The following ITIH3 variants were observed in gnomAD, a reference collection of about 807,000 sequenced individuals.
ITIH3 encodes the protein inter-alpha-trypsin inhibitor heavy chain 3, also known as inter-alpha-trypsin inhibitor heavy chain H3.
In ITIH3, 81 loss-of-function variants were observed where a neutral mutation model predicts 96.5. The ratio of observed to expected loss-of-function variants is 0.84; its 90% CI spans 0.70 to 1.01. The LOEUF (loss-of-function observed/expected upper bound fraction) is 1.01. Among genes scored for constraint, ITIH3 ranks in the 50% least tolerant of loss-of-function variants. The pLI is 0.00. For synonymous variants in ITIH3, 422 were observed against 445.2 expected, an observed-to-expected ratio of 0.95 and a Z score of 0.66; for missense variants, 1,057 against 1,139.3, an observed-to-expected ratio of 0.93 and a Z score of 1.04.
At chr3:52,802,096 T>G (rs1023208970) in intron 11 of ITIH3, 4 of 482,304 alleles carry the variant, frequency 8.3e-6, no homozygotes, top group Non-Finnish European at 1.5e-5. Flanking sequence ...CATATTTCTT[T>G]TTTTTTTTAA....
intron 20 of ITIH3, 71 bp downstream of exon 20, chr3:52,807,987 C>A: frequency 6.3e-7 from 1 of 1,577,132 alleles, no homozygotes; most frequent in Non-Finnish European, 8.6e-7. Flanking sequence ...CAAGGCCTTC[C>A]TAGGCACCCT....
chr3:52,806,009 A>G (rs1700027879), intron 16 of ITIH3, 94 bp from the exon 17 acceptor site: 1 of 1,462,196 alleles, frequency 6.8e-7, no homozygotes, highest in Non-Finnish European at 9.2e-7. Context: ...CGGGAAGGGG[A>G]GGGGAGGGGC....
chr3:52,805,292 C>T, intron 15 of ITIH3: 2 of 1,009,038 alleles, frequency 2.0e-6, no homozygotes, highest in Non-Finnish European at 2.4e-6. Flanking sequence ...ACTGGCCTGC[C>T]CCACCTCCAT....
chr3:52,799,591 A>G, intron 8 of ITIH3, 103 bp downstream of exon 8: 7 of 1,071,020 alleles, frequency 6.5e-6, no homozygotes, highest in Non-Finnish European at 9.4e-6. Flanking sequence ...AATGAGGAGA[A>G]AGGGGACAGG....
chr3:52,796,303 C>A (rs1699577384), intron 2 of ITIH3, among the ~76,000 whole-genome samples, 178 bp from the exon 3 acceptor site: 2 of 152,094 alleles, frequency 1.3e-5, no homozygotes, highest in African/African-American at 4.8e-5. Flanking sequence ...TGGTGGCCAC[C>A]AGAACATGGA....
intron 21 of ITIH3, among the ~76,000 whole-genome samples, 162 bp downstream of exon 21, chr3:52,808,383 A>T (rs1207595983): frequency 6.6e-6 from 1 of 152,226 alleles, no homozygotes; most frequent in Non-Finnish European, 1.5e-5. Flanking sequence ...ATCAAGAAAA[A>T]GCCCAAACTT....
chr3:52,802,918 A>G lies in ITIH3; in HGVS notation c.1709+112A>G. 1.6e-6 allele frequency: 2 copies of G among 1,276,712 alleles called. 1 individual carries two copies. 79.1% of individuals were successfully genotyped at this position (1,276,712 alleles called of 1,614,324 possible). ...GCCCTCTTCTTGGGCCAGCCCAGGA[A>G]GTGTCTGTAGAGCAGTCTGTAAGGA... On this transcript the variant is annotated intron_variant, in intron 13 of 21. Coordinates refer to ENST00000449956, the MANE Select transcript of ITIH3 (RefSeq NM_002217.4).
At chr3:52,797,716 G>T in intron 5 of ITIH3, 101 bp from the exon 6 acceptor site, 1 of 726,960 alleles carries the variant, frequency 1.4e-6, no homozygotes, top group Non-Finnish European at 2.4e-6. Flanking sequence ...GTCCTAGAGG[G>T]TCCCTGCATC....
intron 14 of ITIH3, 45 bp downstream of exon 14, chr3:52,804,054 G>C (rs1260900653): frequency 3.2e-6 from 5 of 1,585,530 alleles, no homozygotes; most frequent in Non-Finnish European, 4.3e-6. Flanking sequence ...CTCCTGTGCT[G>C]GGCACCCTAC....
chr3:52,795,974 C>A, intron 2 of ITIH3: 1 of 303,984 alleles, frequency 3.3e-6, no homozygotes, highest in Non-Finnish European at 6.1e-6. Context: ...GAACACCTCC[C>A]TAGAGCCTCT....
At chr3:52,804,616 A>G (rs1578760643) in intron 14 of ITIH3, 110 bp from the exon 15 acceptor site, 1 of 1,142,398 alleles carries the variant, frequency 8.8e-7, no homozygotes, top group Non-Finnish European at 1.3e-6. Context: ...GGCTGCTGGG[A>G]GGCCCACAGC....
intron 20 of ITIH3, 92 bp from the exon 21 acceptor site, chr3:52,808,018 C>G: frequency 6.4e-7 from 1 of 1,571,604 alleles, no homozygotes; most frequent in Non-Finnish European, 8.7e-7. Flanking sequence ...CACAACACCC[C>G]ATTCAGCCTT....
Position 52,808,593 on chromosome 3 carries a change from C to A in ITIH3, c.2585C>A (p.Thr862Lys), listed in dbSNP as rs762645645. The A allele has an allele frequency of 6.2e-7, 1 of 1,613,996 alleles. No individual in the cohort carries two copies. Among genetic ancestry groups the A allele is most frequent in the Non-Finnish European group, 8.5e-7 (1 of 1,179,892 alleles). Residue 862 changes from threonine to lysine, a missense_variant, in exon 22 of 22, where the codon ACG becomes AAG. Thr to Lys is a moderately conservative substitution (Grantham distance 78). Coordinates refer to ENST00000449956, the MANE Select transcript of ITIH3 (RefSeq NM_002217.4). ...TACAGAAAGGATGCCAGCATCGGCA[C>A]GAAGGTTGTCTGCTGGTTCGTCCAC... ...KDYRKDASIGTKVVCWFVHNN... is the reference protein window; with the variant it reads ...KDYRKDASIGKKVVCWFVHNN...
intron 12 of ITIH3, 35 bp downstream of exon 12, chr3:52,802,554 A>T (rs754178415): frequency 1.9e-6 from 3 of 1,611,352 alleles, no homozygotes; most frequent in Non-Finnish European, 2.5e-6. Context: ...TGTGCTGGGG[A>T]TGGGGTATCA....
In ITIH3 at chr3:52,808,779, A is replaced by G. The variant is rs1700146521; in HGVS notation, c.*98A>G. 34 of 1,481,436 alleles carry G rather than the reference A, an allele frequency of 2.3e-5. No individual in the cohort carries two copies. Among genetic ancestry groups the G allele is most frequent in the Non-Finnish European group, 2.9e-5 (31 of 1,072,014 alleles). The allele number at this position is 1,481,436 out of a possible 1,614,324, so 91.8% of individuals were successfully genotyped here. ...GCCTGTGGGAGGGGCTGGGAAAATA[A>G]AGTCCAAGGTCGAGACCAGACAGCT... On this transcript the variant is annotated 3_prime_UTR_variant, in exon 22 of 22. Coordinates refer to ENST00000449956, the MANE Select transcript of ITIH3 (RefSeq NM_002217.4).
rs920034541 is a variant in ITIH3 at position 52,797,666 on chromosome 3, A to G, written c.550-151A>G. 2.2e-5 allele frequency: 13 copies of G among 600,962 alleles called. No individual in the cohort carries two copies. In the African/African-American group the frequency reaches 2.2e-4, roughly 10 times the overall value. The allele number at this position is 600,962 out of a possible 1,614,324, so 37.2% of individuals were successfully genotyped here. On this transcript the variant is annotated intron_variant, in intron 5 of 21. Coordinates refer to ENST00000449956, the MANE Select transcript of ITIH3 (RefSeq NM_002217.4). Reference sequence around the variant, plus strand: ...TACTCTCCTCCAAGCCCCTGTGGTCACTTTCGCAGTGGGAGACACCAGGCT... The same window carrying G: ...TACTCTCCTCCAAGCCCCTGTGGTCGCTTTCGCAGTGGGAGACACCAGGCT...
At chr3:52,803,691 G>A (rs1397328793) in intron 13 of ITIH3, among the ~76,000 whole-genome samples, 164 bp from the exon 14 acceptor site, 1 of 152,242 alleles carries the variant, frequency 6.6e-6, no homozygotes, top group Non-Finnish European at 1.5e-5. Context: ...GCCCCAGGGA[G>A]TTGTGAGCCA....
At position 52,797,264 on chromosome 3, in the gene ITIH3, T is replaced by A; in HGVS notation, c.546T>A (p.Phe182Leu). 2 of 1,602,012 alleles carry A rather than the reference T, an allele frequency of 1.2e-6. No individual in the cohort carries two copies. Among genetic ancestry groups the A allele is most frequent in the Non-Finnish European group, 1.7e-6 (2 of 1,174,664 alleles). Reference protein sequence around the residue: ...KVQPKQLVKHFEIEVDIFEPQ... With the variant: ...KVQPKQLVKHLEIEVDIFEPQ... ...AGCCTAAGCAACTGGTCAAACACTT[T>A]GAGGTAATCAACCGCCCCTGCAGAC... Residue 182 changes from phenylalanine (F) to leucine (L), a missense_variant, in exon 5 of 22, where the codon TTT becomes TTA. Transcript: ENST00000449956.
chr3:52,795,538 G>A (rs1699546667), intron 1 of ITIH3, 65 bp from the exon 2 acceptor site: 27 of 1,553,632 alleles, frequency 1.7e-5, no homozygotes, highest in Non-Finnish European at 2.3e-5. Flanking sequence ...AGCCTCCCAG[G>A]CCATGCGGCC....
Sources: allele counts gnomAD v4.1 joint callset (sites outside exome capture counted in the v4.1 genomes callset), GRCh38; gene constraint gnomAD v4.1.1; transcripts MANE v1.5; gene names NCBI Gene and HGNC (gene_info 2026-07-23, HGNC 2026-07-21).